Variants in WNT8A observed in about 807,000 individuals in gnomAD.
WNT8A encodes the protein Wnt family member 8A.
A neutral mutation model predicts 20.5 loss-of-function variants in WNT8A; 14 were observed. The ratio of observed to expected loss-of-function variants is 0.68; its 90% confidence interval spans 0.45 to 1.07. WNT8A has a LOEUF of 1.07. Among genes scored for constraint, WNT8A ranks in the 50% least tolerant of loss-of-function variants. The pLI is 0.00. For missense variants in WNT8A, 397 were observed against 462.9 expected, an observed-to-expected ratio of 0.86 and a Z score of 1.31; for synonymous variants, 167 against 169.2, an observed-to-expected ratio of 0.99 and a Z score of 0.10.
intron 4 of WNT8A, 90 bp from the exon 5 acceptor site, chr5:138,090,438 A>C: frequency 8.1e-7 from 1 of 1,232,768 alleles, no homozygotes; most frequent in Non-Finnish European, 1.1e-6. Flanking sequence ...CTTTAAAGTC[A>C]AGAAACACAG....
At position 138,090,623 on chromosome 5, in the gene WNT8A, G is replaced by T; in HGVS notation, c.660G>T (p.Arg220=). The T allele has an allele frequency of 6.2e-7, 1 of 1,614,212 alleles. No individual in the cohort carries two copies. ...GCTGGCTGCAGCTGGCTGAATTCCG[G>T]GAGATGGGAGACTACCTAAAGGCCA... is the stretch of plus-strand genomic sequence containing the variant. ...QTCWLQLAEF[R]EMGDYLKAKY... The change falls in exon 5 of 5, where the codon CGG becomes CGT. Residue 220 remains arginine, a synonymous_variant. Coordinates refer to ENST00000506684, the MANE Select transcript of WNT8A (RefSeq NM_001300939.2).
rs755621177 is a variant in WNT8A at position 138,084,189 on chromosome 5, A to G, written c.62A>G (p.Gln21Arg). 1 of 1,613,986 alleles carries G rather than the reference A, an allele frequency of 6.2e-7. No homozygotes were observed. Among genetic ancestry groups the G allele is most frequent in the Non-Finnish European group, 8.5e-7 (1 of 1,180,016 alleles). ...VSPFPTLTPC[Q>R]GGPHCLIPIH... ...CCTTTCCCAACCCTCACTCCTTGCC[A>G]AGGAGGCCCCCATTGTCTCATCCCC... is the stretch of plus-strand genomic sequence containing the variant. The change falls in exon 1 of 5, where the codon CAA becomes CGA. Residue 21 changes from glutamine (Q) to arginine (R), a missense_variant. Transcript: ENST00000506684.
Position 138,091,038 on chromosome 5 carries a change from G to A in WNT8A, c.1075G>A (p.Gly359Ser), listed in dbSNP as rs151234443. ...CAAGTATTACTGCGCACGCTCCCCA[G>A]GCAGTGCCCAGTCCCTGGGTAAGGG... is the stretch of plus-strand genomic sequence containing the variant. The part of the protein sequence containing the change: ...VSKYYCARSP[G>S]SAQSLGKGSA Residue 359 changes from glycine to serine, a missense_variant, in exon 5 of 5, where the codon GGC becomes AGC. By Grantham distance (56) the Gly-to-Ser change is moderately conservative (BLOSUM62 0). Transcript: ENST00000506684. The A allele has an allele frequency of 2.2e-5, 36 of 1,613,418 alleles. No homozygotes were observed. The African/African-American group carries it at 3.2e-4, about 14-fold the overall frequency.
Position 138,084,212 on chromosome 5 carries a change from C to A in WNT8A, c.85C>A (p.Pro29Thr), listed in dbSNP as rs542002182. 1.2e-6 allele frequency: 2 copies of A among 1,614,200 alleles called. No homozygotes were observed. Among genetic ancestry groups the A allele is most frequent in the Admixed American group, 1.7e-5 (1 of 60,018 alleles). Residue 29 changes from proline (P) to threonine (T), a missense_variant, in exon 1 of 5, where the codon CCC (proline) becomes ACC (threonine). By Grantham distance (38) the Pro-to-Thr change is conservative. Coordinates refer to ENST00000506684, the MANE Select transcript of WNT8A (RefSeq NM_001300939.2). ...CCAAGGAGGCCCCCATTGTCTCATC[C>A]CCATTCACCTCTGCCTCACTTTTTC... ...PCQGGPHCLI[P>T]IHLCLTFSLF...
chr5:138,085,729 C>A (rs942190459), intron 2 of WNT8A, among the ~76,000 whole-genome samples: 2 of 151,556 alleles, frequency 1.3e-5, no homozygotes, highest in Non-Finnish European at 2.9e-5. Context: ...TAGCATGTGC[C>A]TGTAGTCCCA....
downstream of WNT8A, chr5:138,091,683 A>G: frequency 2.5e-6 from 1 of 403,842 alleles, no homozygotes; most frequent in South Asian, 2.2e-5. Context: ...AAAATTAGCT[A>G]GGTGTGGTGG....
Position 138,090,783 on chromosome 5 carries a change from C to T in WNT8A, c.820C>T (p.Pro274Ser), listed in dbSNP as rs758069914. ...GGAACTGATCTTTTTAGAGGAATCA[C>T]CAGATTACTGTACCTGCAATTCCAG... ...EAELIFLEES[P>S]DYCTCNSSLG... The change falls in exon 5 of 5, where the codon CCA (proline) becomes TCA (serine). Residue 274 changes from proline to serine, a missense_variant. Coordinates refer to ENST00000506684, the MANE Select transcript of WNT8A (RefSeq NM_001300939.2). 25 of 1,614,112 alleles carry T rather than the reference C, an allele frequency of 1.5e-5. No homozygotes were observed. The highest frequency in any genetic ancestry group is 2.0e-5 in the Non-Finnish European group (24 of 1,180,046).
intron 3 of WNT8A, 42 bp from the exon 4 acceptor site, chr5:138,088,885 G>T: frequency 6.2e-7 from 1 of 1,604,364 alleles, no homozygotes; most frequent in Non-Finnish European, 8.5e-7. Flanking sequence ...CTGGGACTGA[G>T]CATGGAGCTA....
chr5:138,090,410 C>T, intron 4 of WNT8A, 118 bp from the exon 5 acceptor site: 1 of 957,324 alleles, frequency 1.0e-6, no homozygotes, highest in Non-Finnish European at 1.6e-6. Context: ...TGAGCTTCCC[C>T]AAATAATTCT....
intron 2 of WNT8A, among the ~76,000 whole-genome samples, chr5:138,086,365 G>A (rs1750662226): frequency 6.6e-6 from 1 of 151,884 alleles, no homozygotes; most frequent in East Asian, 1.9e-4. Flanking sequence ...CTATAGGCAT[G>A]CACCCCCATG....
At chr5:138,081,947 G>A (rs1750520653), upstream of WNT8A, among the ~76,000 whole-genome samples, 2 of 152,146 alleles carry the variant, frequency 1.3e-5, no homozygotes, top group African/African-American at 4.8e-5. Flanking sequence ...ATGCCCTAAA[G>A]ACACCTGGGG....
the WNT8A span, among the ~76,000 whole-genome samples, chr5:138,078,007 C>T: frequency 6.6e-6 from 1 of 152,134 alleles, no homozygotes; most frequent in Non-Finnish European, 1.5e-5. Context: ...CACAGGAGGA[C>T]CTCATTTCCC....
At chr5:138,080,971 G>A (rs1750496310), upstream of WNT8A, among the ~76,000 whole-genome samples, 3 of 152,176 alleles carry the variant, frequency 2.0e-5, no homozygotes, top group South Asian at 2.1e-4. Context: ...GCCGGGCGCA[G>A]TGGCTCACGC....
chr5:138,087,351 AC>A (rs1278577752), intron 2 of WNT8A, among the ~76,000 whole-genome samples: 1 of 148,302 alleles, frequency 6.7e-6, no homozygotes, highest in African/African-American at 2.5e-5. Context: ...CTGTCTCAAA[AC>A]AAAAACAAAA....
intron 2 of WNT8A, 50 bp downstream of exon 2, chr5:138,084,686 G>A: frequency 2.6e-6 from 4 of 1,548,320 alleles, no homozygotes; most frequent in Non-Finnish European, 2.6e-6. Flanking sequence ...TGTGAATGGA[G>A]TGGGGCTTGC....
At position 138,090,767 on chromosome 5, in the gene WNT8A, C is replaced by T. The variant is rs769620558; in HGVS notation, c.804C>T (p.Ile268=). ...AFLPSAEAEL[I]FLEESPDYCT... is the part of the protein sequence containing the mutation. The stretch of plus-strand genomic sequence containing the variant: ...TTCCTAGCGCAGAGGCGGAACTGAT[C>T]TTTTTAGAGGAATCACCAGATTACT... Residue 268 remains isoleucine, a synonymous_variant, in exon 5 of 5, where the codon ATC becomes ATT. Transcript: ENST00000506684. 6.2e-7 allele frequency: 1 copy of T among 1,614,190 alleles called. No homozygotes were observed. The highest frequency in any genetic ancestry group is 8.5e-7 in the Non-Finnish European group (1 of 1,180,038).
upstream of WNT8A, among the ~76,000 whole-genome samples, chr5:138,079,336 TA>T (rs1176428721): frequency 7.1e-6 from 1 of 141,366 alleles, no homozygotes; most frequent in Non-Finnish European, 1.6e-5. Context: ...AATTATATAA[TA>T]ATTATATAAT....
At chr5:138,085,951 ATGTT>A (rs1750648847) in intron 2 of WNT8A, among the ~76,000 whole-genome samples, 1 of 151,996 alleles carries the variant, frequency 6.6e-6, no homozygotes, top group Non-Finnish European at 1.5e-5. Context: ...AAATGTGACA[ATGTT>A]TGTAAAGAGT....
upstream of WNT8A, among the ~76,000 whole-genome samples, chr5:138,083,110 T>G (rs949110195): frequency 6.6e-6 from 1 of 151,376 alleles, no homozygotes; most frequent in African/African-American, 2.4e-5. Context: ...GCGAAACCCC[T>G]TCTCTACTAA....
Sources: allele counts gnomAD v4.1 joint callset (sites outside exome capture counted in the v4.1 genomes callset), GRCh38; gene constraint gnomAD v4.1.1; transcripts MANE v1.5; gene names NCBI Gene and HGNC (gene_info 2026-07-23, HGNC 2026-07-21).